Variants in TTC28 observed in about 807,000 individuals in gnomAD.
TTC28 encodes the protein tetratricopeptide repeat domain 28.
TTC28 carries 61 observed loss-of-function variants against 198.0 expected under a neutral mutation model. The ratio of observed to expected loss-of-function variants is 0.31; its 90% confidence interval spans 0.25 to 0.38. The LOEUF is 0.38. Ranked by LOEUF, TTC28 falls within the 10% of genes least tolerant of loss-of-function variation. The probability of loss-of-function intolerance (pLI) is 1.00; values close to 1 mark genes in which losing one functional copy is unlikely to be tolerated. For synonymous variants in TTC28, 1,171 were observed against 1,297.8 expected, an observed-to-expected ratio of 0.90 and a Z score of 2.10; for missense variants, 2,678 against 3,164.0, an observed-to-expected ratio of 0.85 and a Z score of 3.69.
chr22:27,993,447 C>A lies in TTC28; in HGVS notation c.5316G>T (p.Glu1772Asp), dbSNP rs1485178048. 3 of 1,551,558 alleles carry A rather than the reference C, an allele frequency of 1.9e-6. No individual in the cohort carries two copies. Among genetic ancestry groups the A allele is most frequent in the Non-Finnish European group, 1.7e-6 (2 of 1,147,014 alleles). Residue 1772 changes from glutamate (E) to aspartate (D), a missense_variant, in exon 18 of 23, where the codon GAG becomes GAT. Physicochemically the swap from Glu to Asp is conservative, Grantham distance 45. Around this residue, in one of 8 missense-constraint regions of TTC28, gnomAD observed 314 missense variants for 442.7 expected, o/e 0.71. Coordinates refer to ENST00000397906, the MANE Select transcript of TTC28 (RefSeq NM_001145418.2). ...NAMYTSQQSV[E>D]NKVGGIPGWQ... is the part of the protein sequence containing the mutation. ...AGCCAGGGATGCCGCCCACTTTGTT[C>A]TCCACACTCTGCTGGGATGTGTACA...
intron 7 of TTC28, 53 bp downstream of exon 7, chr22:28,107,009 C>T (rs1942327104): frequency 1.1e-5 from 16 of 1,491,830 alleles, no homozygotes; most frequent in Non-Finnish European, 1.4e-5. Flanking sequence ...TTTACTGCCA[C>T]AAATGCTCTT....
intron 2 of TTC28, among the ~76,000 whole-genome samples, chr22:28,584,433 T>C (rs571541939): frequency 6.6e-6 from 1 of 152,300 alleles, no homozygotes; most frequent in South Asian, 2.1e-4. Flanking sequence ...GGTGTAATTC[T>C]AGCCTGTCTC....
intron 5 of TTC28, among the ~76,000 whole-genome samples, chr22:28,233,386 A>C (rs1268909895): frequency 6.6e-6 from 1 of 152,126 alleles, no homozygotes; most frequent in Non-Finnish European, 1.5e-5. Flanking sequence ...TTACAGGGAG[A>C]TATCTCTATA....
intron 12 of TTC28, among the ~76,000 whole-genome samples, chr22:28,078,571 T>C (rs1941239230): frequency 1.3e-5 from 2 of 152,044 alleles, no homozygotes; most frequent in South Asian, 4.1e-4. Context: ...AAAGACCTGA[T>C]TTGGACCAAC....
At chr22:28,621,586 T>TA (rs2050998885) in intron 2 of TTC28, among the ~76,000 whole-genome samples, 1 of 148,188 alleles carries the variant, frequency 6.7e-6, no homozygotes, top group Non-Finnish European at 1.5e-5. Context: ...ATAAAAAGTT[T>TA]AAAAAAAATA....
chr22:28,091,059 T>C (rs1474355796), intron 12 of TTC28, among the ~76,000 whole-genome samples: 1 of 152,224 alleles, frequency 6.6e-6, no homozygotes, highest in Non-Finnish European at 1.5e-5. Flanking sequence ...GCTCTCTGTA[T>C]AGAGCAGAGG....
intron 5 of TTC28, among the ~76,000 whole-genome samples, chr22:28,267,892 G>T (rs555773528): frequency 2.6e-5 from 4 of 152,258 alleles, no homozygotes; most frequent in African/African-American, 7.2e-5. Context: ...ACAGGACAGG[G>T]ATCAAGTCTT....
At chr22:28,061,557 G>A (rs948191036) in intron 12 of TTC28, among the ~76,000 whole-genome samples, 1 of 152,120 alleles carries the variant, frequency 6.6e-6, no homozygotes, top group Non-Finnish European at 1.5e-5. Context: ...TGAGGGCTCT[G>A]TTTCGTTCCA....
intron 2 of TTC28, among the ~76,000 whole-genome samples, chr22:28,529,769 T>C (rs1277021870): frequency 6.6e-6 from 1 of 152,144 alleles, no homozygotes; most frequent in East Asian, 1.9e-4. Context: ...CTGCAGCCTC[T>C]CCTGGTGACA....
In TTC28 at chr22:28,329,974, A is replaced by G. The variant is rs76569249; in HGVS notation, c.382-23331T>C. Among the ~76,000 whole-genome samples, 741 of 152,318 alleles carry G rather than the reference A, an allele frequency of 4.9e-3. 3 individuals carry two copies. The highest frequency in any genetic ancestry group is 0.017 in the African/African-American group (712 of 41,564). ...AAATTCAGTGAATTTCATTTTGCTTAGAGCCTACTTAGTCCCTGCCAACAG... is the reference window on the plus strand; with the variant it reads ...AAATTCAGTGAATTTCATTTTGCTTGGAGCCTACTTAGTCCCTGCCAACAG... On this transcript the variant is annotated intron_variant, in intron 2 of 22. Transcript: ENST00000397906.
rs899545831 is a variant in TTC28 at position 27,990,870 on chromosome 22, T to C, written c.5554-58A>G. 5.3e-6 allele frequency: 8 copies of C among 1,504,942 alleles called. No homozygotes were observed. The African/African-American group carries it at 1.1e-4, about 21-fold the overall frequency. 93.2% of individuals were successfully genotyped at this position (1,504,942 alleles called of 1,614,324 possible). Reference sequence around the variant, plus strand: ...AAGAGAGAAAGAAGAGAGTTTAGACTCAAGCACAGGCTGTTATGCAACATG... The same window carrying C: ...AAGAGAGAAAGAAGAGAGTTTAGACCCAAGCACAGGCTGTTATGCAACATG... On this transcript the variant is annotated intron_variant, in intron 19 of 22. Transcript: ENST00000397906.
intron 2 of TTC28, among the ~76,000 whole-genome samples, chr22:28,352,218 T>C (rs999780239): frequency 4.6e-5 from 7 of 151,990 alleles, no homozygotes; most frequent in African/African-American, 1.7e-4. Context: ...TAGCTTGTTA[T>C]TGAATACCAA....
chr22:28,096,304 A>G lies in TTC28; in HGVS notation c.3652T>C (p.Ser1218Pro). ...AAGATCTGATCAATAGTGACTGGGG[A>G]GTAGGGGTCGGAGTCTTGTTGTCCT... is the stretch of plus-strand genomic sequence containing the variant. ...QTGQQDSDPY[S>P]PVTIDQILEM... The change falls in exon 11 of 23, where the codon TCC becomes CCC. Residue 1218 changes from serine (S) to proline (P), a missense_variant. By Grantham distance (74) the Ser-to-Pro change is moderately conservative (BLOSUM62 -1). Transcript: ENST00000397906. 6.4e-7 allele frequency: 1 copy of G among 1,551,936 alleles called. No homozygotes were observed. Among genetic ancestry groups the G allele is most frequent in the Non-Finnish European group, 8.7e-7 (1 of 1,147,036 alleles).
rs1296442918 is a variant in TTC28, at chr22:28,108,148, G to A, written c.1697C>T (p.Ala566Val). Residue 566 changes from alanine (A) to valine (V), a missense_variant, in exon 7 of 23, where the codon GCC becomes GTC. Physicochemically the swap from Ala to Val is moderately conservative, Grantham distance 64. Around this residue, in one of 8 missense-constraint regions of TTC28, gnomAD observed 775 missense variants for 845.9 expected, o/e 0.92. Transcript: ENST00000397906. ...CAGGGCCCGGTCATGGGCACCCAGG[G>A]CCTGGTAGGCCACGGCAAGGTTCCC... ...THGNLAVAYQ[A>V]LGAHDRALQH... The A allele has an allele frequency of 3.1e-5, 48 of 1,551,728 alleles. No homozygotes were observed. The highest frequency in any genetic ancestry group is 4.2e-5 in the Non-Finnish European group (48 of 1,147,004).
chr22:28,639,839 CA>C (rs2051334349), intron 1 of TTC28, among the ~76,000 whole-genome samples: 1 of 152,018 alleles, frequency 6.6e-6, no homozygotes, highest in South Asian at 2.1e-4. Context: ...TCAAAGCAAA[CA>C]AAATAGATGA....
chr22:28,460,303 T>C (rs898234386), intron 2 of TTC28, among the ~76,000 whole-genome samples: 1 of 152,108 alleles, frequency 6.6e-6, no homozygotes, highest in Non-Finnish European at 1.5e-5. Context: ...AGTTTTGTAA[T>C]TACAAAGTTA....
At chr22:28,072,162 G>A (rs1941010404) in intron 12 of TTC28, among the ~76,000 whole-genome samples, 1 of 152,202 alleles carries the variant, frequency 6.6e-6, no homozygotes, top group African/African-American at 2.4e-5. Flanking sequence ...ACTATGAAAT[G>A]CATGTTATCA....
chr22:28,408,124 C>T (rs1278467102), intron 2 of TTC28, among the ~76,000 whole-genome samples: 9 of 151,958 alleles, frequency 5.9e-5, no homozygotes, highest in African/African-American at 1.9e-4. Flanking sequence ...TAATAAGATA[C>T]TAGGAAGCCG....
At chr22:28,587,313 T>C (rs999760357) in intron 2 of TTC28, among the ~76,000 whole-genome samples, 26 of 152,174 alleles carry the variant, frequency 1.7e-4, no homozygotes, top group African/African-American at 6.0e-4. Context: ...GAGGTTGCAG[T>C]GAGCGGAAAT....
Sources: allele counts gnomAD v4.1 joint callset (sites outside exome capture counted in the v4.1 genomes callset), GRCh38; gene constraint gnomAD v4.1.1; regional missense constraint gnomAD v4.1.1; transcripts MANE v1.5; gene names NCBI Gene and HGNC (gene_info 2026-07-23, HGNC 2026-07-21).